Variants in ALK observed in about 807,000 individuals in gnomAD.
ALK encodes the protein ALK tyrosine kinase receptor.
A neutral mutation model predicts 163.1 loss-of-function variants in ALK; 74 were observed. That is an observed-to-expected ratio of 0.45 (90% CI 0.38 to 0.55). The LOEUF is 0.55. ALK is among the 20% of genes least tolerant of loss of function. The probability of loss-of-function intolerance (pLI) is 0.00; values close to 1 mark genes in which losing one functional copy is unlikely to be tolerated. For synonymous variants in ALK, 960 were observed against 843.2 expected (o/e 1.14, Z -2.40); for missense variants, 2,063 against 2,105.3 (o/e 0.98, Z 0.39).
chr2:29,886,665 C>T (rs1666992400), intron 1 of ALK, among the ~76,000 whole-genome samples: 2 of 152,220 alleles, frequency 1.3e-5, no homozygotes, highest in South Asian at 2.1e-4. Context: ...AAGAGACACT[C>T]AAGTAAGACA....
chr2:29,337,917 G>A (rs1386222497), intron 5 of ALK, among the ~76,000 whole-genome samples: 2 of 152,198 alleles, frequency 1.3e-5, no homozygotes, highest in Non-Finnish European at 2.9e-5. Context: ...CTAGCTAGTG[G>A]GGTGAATGCT....
At chr2:29,856,776 T>C (rs1000695701) in intron 1 of ALK, among the ~76,000 whole-genome samples, 9 of 152,222 alleles carry the variant, frequency 5.9e-5, no homozygotes, top group African/African-American at 2.2e-4. Flanking sequence ...AAACGGATCC[T>C]GTGTCCTTCC....
intron 3 of ALK, among the ~76,000 whole-genome samples, chr2:29,583,453 C>T (rs1455236558): frequency 1.3e-5 from 2 of 151,998 alleles, no homozygotes; most frequent in African/African-American, 2.4e-5. Context: ...CCAATGCAAC[C>T]GAACTCCTGG....
Position 29,362,166 on chromosome 2 carries a change from G to A in ALK, c.1282+21566C>T, listed in dbSNP as rs577705294. Among the ~76,000 whole-genome samples, 3 of 152,248 alleles carry A rather than the reference G, an allele frequency of 2.0e-5. No individual in the cohort carries two copies. The South Asian group carries it at 6.2e-4, about 32-fold the overall frequency. On this transcript the variant is annotated intron_variant, in intron 5 of 28. Coordinates refer to ENST00000389048, the MANE Select transcript of ALK (RefSeq NM_004304.5). Reference sequence around the variant, plus strand: ...GGCAGGAAGAATCGAAGAGAACAGGGGGAAAGAAGGAGTTACTGGATGGAA... The same window carrying A: ...GGCAGGAAGAATCGAAGAGAACAGGAGGAAAGAAGGAGTTACTGGATGGAA...
chr2:29,698,770 A>G (rs551987692), intron 2 of ALK, among the ~76,000 whole-genome samples: 22 of 152,378 alleles, frequency 1.4e-4, no homozygotes, highest in Admixed American at 1.2e-3. Flanking sequence ...TGTACCGATT[A>G]AAATGCGTTC....
chr2:29,686,129 G>A (rs898128181), intron 3 of ALK, among the ~76,000 whole-genome samples: 5 of 152,130 alleles, frequency 3.3e-5, no homozygotes, highest in African/African-American at 7.2e-5. Context: ...TCTAGGGATC[G>A]GGGCATCTTG....
intron 5 of ALK, among the ~76,000 whole-genome samples, chr2:29,362,307 C>G (rs2148287338): frequency 6.6e-6 from 1 of 152,174 alleles, no homozygotes; most frequent in East Asian, 1.9e-4. Context: ...TCTTTCCTGC[C>G]AACAAACACT....
chr2:29,779,860 A>G (rs1203438956), intron 1 of ALK, among the ~76,000 whole-genome samples: 1 of 152,234 alleles, frequency 6.6e-6, no homozygotes, highest in Non-Finnish European at 1.5e-5. Flanking sequence ...CTCCAAGGAC[A>G]TCGAGTAAAA....
At chr2:29,741,529 G>A (rs1046167928) in intron 1 of ALK, among the ~76,000 whole-genome samples, 3 of 152,134 alleles carry the variant, frequency 2.0e-5, no homozygotes, top group Non-Finnish European at 4.4e-5. Flanking sequence ...TCTGCATACT[G>A]AAGCTAATCA....
intron 1 of ALK, among the ~76,000 whole-genome samples, chr2:29,755,548 C>T (rs575908306): frequency 7.5e-4 from 114 of 152,294 alleles, no homozygotes; most frequent in African/African-American, 2.3e-3. Context: ...GAATGGATTC[C>T]GCTGAGTAGA....
At chr2:29,887,781 T>C (rs1314842188) in intron 1 of ALK, among the ~76,000 whole-genome samples, 1 of 152,226 alleles carries the variant, frequency 6.6e-6, no homozygotes, top group African/African-American at 2.4e-5. Context: ...AAAATTCTGT[T>C]ACTGTTCCTG....
chr2:29,912,403 G>C (rs1392411376), intron 1 of ALK, among the ~76,000 whole-genome samples: 3 of 152,088 alleles, frequency 2.0e-5, no homozygotes, highest in Non-Finnish European at 4.4e-5. Context: ...AACTATGAAG[G>C]ACACAGGAAC....
chr2:29,616,227 C>T (rs78750374), intron 3 of ALK, among the ~76,000 whole-genome samples: 11 of 152,182 alleles, frequency 7.2e-5, no homozygotes, highest in African/African-American at 2.6e-4. Flanking sequence ...AAAGAGGTGG[C>T]CTGTGAGTTG....
chr2:29,755,585 A>G (rs1251279948), intron 1 of ALK, among the ~76,000 whole-genome samples: 7 of 152,208 alleles, frequency 4.6e-5, no homozygotes, highest in Non-Finnish European at 8.8e-5. Context: ...AGAGGGAGGA[A>G]TGAGAGACAG....
intron 1 of ALK, among the ~76,000 whole-genome samples, chr2:29,775,888 C>G (rs780766205): frequency 6.6e-6 from 1 of 152,110 alleles, no homozygotes; most frequent in African/African-American, 2.4e-5. Flanking sequence ...TCATAAAGGT[C>G]AGGGCACCAT....
intron 1 of ALK, among the ~76,000 whole-genome samples, chr2:29,829,910 C>A (rs991767532): frequency 1.3e-5 from 2 of 152,218 alleles, no homozygotes; most frequent in African/African-American, 4.8e-5. Context: ...GTTGGGAGCA[C>A]AGAAGCTGTC....
intron 1 of ALK, among the ~76,000 whole-genome samples, chr2:29,760,204 C>T (rs557534810): frequency 6.6e-6 from 1 of 151,826 alleles, no homozygotes; most frequent in African/African-American, 2.4e-5. Context: ...CACACCCCTA[C>T]ACACACACAC....
chr2:29,738,727 A>G (rs895985741), intron 1 of ALK, among the ~76,000 whole-genome samples: 1 of 152,116 alleles, frequency 6.6e-6, no homozygotes, highest in African/African-American at 2.4e-5. Flanking sequence ...AGTGGCCTCA[A>G]CTTAAAGCTG....
chr2:29,697,748 A>T (rs951219139), intron 2 of ALK, among the ~76,000 whole-genome samples: 3 of 152,202 alleles, frequency 2.0e-5, no homozygotes, highest in Non-Finnish European at 4.4e-5. Flanking sequence ...ACCAAAAGAA[A>T]CCAAAAGCTG....
Sources: gnomAD v4.1 joint callset for allele counts (sites outside exome capture counted in the v4.1 genomes callset) on GRCh38, gnomAD v4.1.1 for gene constraint, MANE v1.5 for transcripts, NCBI Gene and HGNC (gene_info 2026-07-23, HGNC 2026-07-21) for gene names.